Variants in HS6ST3 observed in about 807,000 individuals in gnomAD.
HS6ST3 encodes the protein heparan sulfate 6-O-sulfotransferase 3, also known as heparan-sulfate 6-O-sulfotransferase 3.
In HS6ST3, 12 loss-of-function variants were observed where a neutral mutation model predicts 36.7. The ratio of observed to expected loss-of-function variants is 0.33; its 90% confidence interval spans 0.21 to 0.53. HS6ST3 has a LOEUF of 0.53. HS6ST3 is among the 20% of genes least tolerant of loss of function. The probability of loss-of-function intolerance (pLI) is 0.95; values close to 1 mark genes in which losing one functional copy is unlikely to be tolerated. For missense variants in HS6ST3, 584 were observed against 640.9 expected, an observed-to-expected ratio of 0.91 and a Z score of 0.96; for synonymous variants, 240 against 257.5, an observed-to-expected ratio of 0.93 and a Z score of 0.65.
intron 1 of HS6ST3, among the ~76,000 whole-genome samples, chr13:96,777,025 G>A (rs1877403886): frequency 3.9e-5 from 6 of 152,172 alleles, no homozygotes; most frequent in Admixed American, 3.9e-4. Context: ...TGGGATGCAA[G>A]GCTGGTTTAA....
At chr13:96,521,231 G>A (rs1445348077) in intron 1 of HS6ST3, among the ~76,000 whole-genome samples, 1 of 152,156 alleles carries the variant, frequency 6.6e-6, no homozygotes, top group African/African-American at 2.4e-5. Flanking sequence ...GCTTTTTGAT[G>A]TGCTGCTGGA....
At chr13:96,186,290 GT>G (rs1282133227) in intron 1 of HS6ST3, among the ~76,000 whole-genome samples, 1 of 152,172 alleles carries the variant, frequency 6.6e-6, no homozygotes, top group African/African-American at 2.4e-5. Context: ...CTCATCTACA[GT>G]TCAGCCTGAG....
At chr13:96,728,229 C>G (rs1040317893) in intron 1 of HS6ST3, among the ~76,000 whole-genome samples, 4 of 152,032 alleles carry the variant, frequency 2.6e-5, no homozygotes, top group South Asian at 2.1e-4. Flanking sequence ...TGTATATGTT[C>G]AGAGGTAAGT....
At chr13:96,812,066 ACT>A (rs76394120) in intron 1 of HS6ST3, among the ~76,000 whole-genome samples, 4,256 of 152,192 alleles carry the variant, frequency 0.028, 67 homozygotes, top group African/African-American at 0.027. Flanking sequence ...GTCACCTTTG[ACT>A]CTGACATTCT....
intron 1 of HS6ST3, among the ~76,000 whole-genome samples, chr13:96,583,288 A>C (rs1358951483): frequency 8.3e-6 from 1 of 120,246 alleles, no homozygotes; most frequent in African/African-American, 3.2e-5. Context: ...ATCTCGGCTC[A>C]CTGCAACCTC....
chr13:96,642,306 T>C (rs1432037826), intron 1 of HS6ST3, among the ~76,000 whole-genome samples: 1 of 151,914 alleles, frequency 6.6e-6, no homozygotes, highest in Non-Finnish European at 1.5e-5. Flanking sequence ...CTTTCACTAT[T>C]CTCTGTTCAT....
rs988070231 is a variant in HS6ST3, at chr13:96,520,898, T to C, written c.708-311592T>C. Among the ~76,000 whole-genome samples, 3 of 152,198 alleles carry C rather than the reference T, an allele frequency of 2.0e-5. No homozygotes were observed. In the South Asian group the frequency reaches 6.2e-4, roughly 31 times the overall value. On this transcript the variant is annotated intron_variant, in intron 1 of 1. Coordinates refer to ENST00000376705, the MANE Select transcript of HS6ST3 (RefSeq NM_153456.4). ...CCAATACTATGTTGAATAGGAGTGA[T>C]GAGAGAGGGCATCCCTGTCTTGTGC...
At chr13:96,223,580 G>C (rs2054466067) in intron 1 of HS6ST3, among the ~76,000 whole-genome samples, 1 of 151,850 alleles carries the variant, frequency 6.6e-6, no homozygotes, top group Non-Finnish European at 1.5e-5. Context: ...CAGAGCAATT[G>C]CTTTCAGAAT....
rs548846304 is a variant in HS6ST3, at chr13:96,824,978, G to A, written c.708-7512G>A. ...AAAGCCTGTATAAGTCAGACTGGTC[G>A]CTAGAATAAAGATAGTGCATGAGGG... On this transcript the variant is annotated intron_variant, in intron 1 of 1. Coordinates refer to ENST00000376705, the MANE Select transcript of HS6ST3 (RefSeq NM_153456.4). Among the ~76,000 whole-genome samples the A allele has an allele frequency of 4.6e-5, 7 of 152,270 alleles. No individual in the cohort carries two copies. In the South Asian group the frequency reaches 1.2e-3, roughly 27 times the overall value.
At chr13:96,502,427 G>C (rs1034853238) in intron 1 of HS6ST3, among the ~76,000 whole-genome samples, 1 of 147,880 alleles carries the variant, frequency 6.8e-6, no homozygotes, top group African/African-American at 2.5e-5. Flanking sequence ...GTTCTGATAT[G>C]GAGAGGGAAA....
chr13:96,228,281 CAG>C (rs2054490937), intron 1 of HS6ST3, among the ~76,000 whole-genome samples: 1 of 152,158 alleles, frequency 6.6e-6, no homozygotes, highest in South Asian at 2.1e-4. Flanking sequence ...TTTTCTGAGA[CAG>C]AGTCTTCCTG....
At chr13:96,363,653 T>C (rs901440216) in intron 1 of HS6ST3, among the ~76,000 whole-genome samples, 2 of 152,204 alleles carry the variant, frequency 1.3e-5, no homozygotes, top group Non-Finnish European at 2.9e-5. Context: ...TCAGTCTTTT[T>C]AGACCATCAC....
intron 1 of HS6ST3, among the ~76,000 whole-genome samples, chr13:96,206,111 A>G (rs982265496): frequency 1.3e-4 from 20 of 152,216 alleles, no homozygotes; most frequent in African/African-American, 4.3e-4. Flanking sequence ...CAACTTCAGC[A>G]AAGTCTCAGG....
At chr13:96,723,334 C>T (rs1875901129) in intron 1 of HS6ST3, among the ~76,000 whole-genome samples, 2 of 152,056 alleles carry the variant, frequency 1.3e-5, no homozygotes, top group Non-Finnish European at 2.9e-5. Context: ...AGCAGAAACC[C>T]CTGGACTGTG....
chr13:96,598,287 T>G (rs2056409361), intron 1 of HS6ST3, among the ~76,000 whole-genome samples: 1 of 152,190 alleles, frequency 6.6e-6, no homozygotes, highest in Non-Finnish European at 1.5e-5. Flanking sequence ...TTTGATAACA[T>G]TGATTCTTCC....
intron 1 of HS6ST3, among the ~76,000 whole-genome samples, chr13:96,492,337 A>C (rs1258722894): frequency 6.6e-6 from 1 of 152,236 alleles, no homozygotes; most frequent in East Asian, 1.9e-4. Context: ...ACGTTACTTC[A>C]AAATTTGTTC....
chr13:96,811,882 A>G (rs1040366582), intron 1 of HS6ST3, among the ~76,000 whole-genome samples: 2 of 152,220 alleles, frequency 1.3e-5, no homozygotes, highest in Non-Finnish European at 2.9e-5. Flanking sequence ...TAGGAAGAAT[A>G]TGCTTAGATC....
chr13:96,191,938 G>A (rs2054290314), intron 1 of HS6ST3, among the ~76,000 whole-genome samples: 1 of 152,180 alleles, frequency 6.6e-6, no homozygotes, highest in African/African-American at 2.4e-5. Flanking sequence ...AAGAAAAAGA[G>A]CATTCTTTCG....
chr13:96,200,228 G>A (rs1216808431), intron 1 of HS6ST3, among the ~76,000 whole-genome samples: 2 of 152,198 alleles, frequency 1.3e-5, no homozygotes. Flanking sequence ...TGCAATGGCT[G>A]CCCATTTCAC....
Sources: allele counts gnomAD v4.1 joint callset (sites outside exome capture counted in the v4.1 genomes callset), GRCh38; gene constraint gnomAD v4.1.1; transcripts MANE v1.5; gene names NCBI Gene and HGNC (gene_info 2026-07-23, HGNC 2026-07-21).